MED15: variants seen among roughly 807,000 people sequenced by gnomAD.
The protein encoded by MED15 is mediator of RNA polymerase II transcription subunit 15.
MED15 carries 41 observed loss-of-function variants against 118.7 expected under a neutral mutation model. That is an observed-to-expected ratio of 0.35 (90% CI 0.27 to 0.45). The LOEUF (loss-of-function observed/expected upper bound fraction) is 0.45. Among genes scored for constraint, MED15 ranks in the 20% least tolerant of loss-of-function variants. The pLI, the probability that MED15 is intolerant of heterozygous loss-of-function variation, is 1.00. For missense variants in MED15, 740 were observed against 1,025.5 expected, an observed-to-expected ratio of 0.72 and a Z score of 3.80; for synonymous variants, 436 against 413.9, an observed-to-expected ratio of 1.05 and a Z score of -0.65.
chr22:20,524,701 A>G (rs1000020117), intron 1 of MED15, among the ~76,000 whole-genome samples: 1 of 152,192 alleles, frequency 6.6e-6, no homozygotes, highest in African/African-American at 2.4e-5. Context: ...GGCTGACTGC[A>G]ACCTCCGCCT....
chr22:20,551,098 A>G (rs1200393834), intron 2 of MED15: 2 of 536,084 alleles, frequency 3.7e-6, no homozygotes, highest in Admixed American at 2.2e-5. Flanking sequence ...CCAGCGCCTC[A>G]TCACCCCCAA....
intron 2 of MED15, among the ~76,000 whole-genome samples, chr22:20,548,858 G>C (rs1359321640): frequency 6.6e-6 from 1 of 152,176 alleles, no homozygotes; most frequent in Non-Finnish European, 1.5e-5. Context: ...CCAAGCTGGA[G>C]TGCAGTGGAG....
chr22:20,550,181 A>G (rs1241847180), intron 2 of MED15, among the ~76,000 whole-genome samples: 2 of 151,888 alleles, frequency 1.3e-5, no homozygotes, highest in Non-Finnish European at 2.9e-5. Context: ...CCATTCTCAT[A>G]CCACTGTCCT....
intron 1 of MED15, among the ~76,000 whole-genome samples, chr22:20,530,837 G>T (rs1312814406): frequency 1.3e-5 from 2 of 152,186 alleles, no homozygotes; most frequent in Admixed American, 1.3e-4. Flanking sequence ...CTGCCTGAGG[G>T]AGCTGCACAT....
Position 20,584,271 on chromosome 22 carries a change from G to A in MED15, c.1737-88G>A, listed in dbSNP as rs1237746928. 1.2e-5 allele frequency: 17 copies of A among 1,362,814 alleles called. No homozygotes were observed. In the South Asian group the frequency reaches 2.0e-4, roughly 16 times the overall value. The allele number at this position is 1,362,814 out of a possible 1,614,324, so 84.4% of individuals were successfully genotyped here. ...GGAGCTCCTGCAGAGGTTTCTGATG[G>A]CTGAGGCCCAGTGGCAGTAGTTGGG... On this transcript the variant is annotated intron_variant, in intron 13 of 17. Coordinates refer to ENST00000263205, the MANE Select transcript of MED15 (RefSeq NM_001003891.3).
At chr22:20,584,607 CCT>C (rs2057080221) in intron 14 of MED15, 182 bp downstream of exon 14, 2 of 841,480 alleles carry the variant, frequency 2.4e-6, no homozygotes, top group Non-Finnish European at 1.8e-6. Context: ...GAGAAGTCAC[CCT>C]CTGTCTACGG....
chr22:20,583,045 G>A (rs1027311147), intron 11 of MED15, 68 bp from the exon 12 acceptor site: 3 of 1,565,258 alleles, frequency 1.9e-6, no homozygotes, highest in South Asian at 2.3e-5. Flanking sequence ...CGAGCTCTGG[G>A]GCCCTCAGAG....
chr22:20,535,860 G>T (rs577709252), intron 1 of MED15, among the ~76,000 whole-genome samples: 3 of 134,258 alleles, frequency 2.2e-5, no homozygotes, highest in South Asian at 4.9e-4. Flanking sequence ...TGCTCAGCCT[G>T]CTTCTTTCTT....
chr22:20,566,931 A>C, intron 7 of MED15, 114 bp downstream of exon 7: 1 of 1,526,710 alleles, frequency 6.6e-7, no homozygotes, highest in Non-Finnish European at 8.8e-7. Context: ...CTGAGACTTC[A>C]GGCAGCCCCC....
In MED15 at chr22:20,576,378, G is replaced by T. The variant is rs142808681; in HGVS notation, c.1272+1146G>T. Among the ~76,000 whole-genome samples the T allele has an allele frequency of 3.2e-3, 483 of 152,384 alleles. 1 individual carries two copies. The highest frequency in any genetic ancestry group is 5.4e-3 in the Non-Finnish European group (369 of 68,034). On this transcript the variant is annotated intron_variant, in intron 9 of 17. Coordinates refer to ENST00000263205, the MANE Select transcript of MED15 (RefSeq NM_001003891.3). ...TGTGCAGTGGCGTCTCTGCAGCTCT[G>T]TTCTACACAGGAAGAAGTGGAGGCT...
intron 2 of MED15, among the ~76,000 whole-genome samples, chr22:20,546,092 T>G (rs1298671489): frequency 6.6e-6 from 1 of 152,170 alleles, no homozygotes; most frequent in African/African-American, 2.4e-5. Flanking sequence ...TCAACGCTTT[T>G]TTCCTAATAG....
chr22:20,579,968 A>T (rs1211867453), intron 9 of MED15, among the ~76,000 whole-genome samples: 3 of 152,124 alleles, frequency 2.0e-5, no homozygotes, highest in Non-Finnish European at 4.4e-5. Context: ...TTGTGTCTTC[A>T]GATGAGTCTT....
In MED15 at chr22:20,555,160, A is replaced by G. The variant is rs1359279609; in HGVS notation, c.451+12A>G. The G allele has an allele frequency of 6.3e-7, 1 of 1,575,824 alleles. No individual in the cohort carries two copies. Among genetic ancestry groups the G allele is most frequent in the Non-Finnish European group, 8.6e-7 (1 of 1,160,706 alleles). On this transcript the variant is annotated intron_variant, in intron 5 of 17. Transcript: ENST00000263205. ...GGCAACTCCACAGAGTGAGTACCAC[A>G]CTTCTTGGAGGATTTGCCGCTTTCC... is the stretch of plus-strand genomic sequence containing the variant.
At chr22:20,537,363 G>A in intron 2 of MED15, 159 bp downstream of exon 2, 1 of 592,542 alleles carries the variant, frequency 1.7e-6, no homozygotes, top group East Asian at 3.2e-5. Context: ...CAGCAGTCTG[G>A]GTCCTCCTGT....
chr22:20,542,850 G>C (rs760312844), intron 2 of MED15, among the ~76,000 whole-genome samples: 1 of 152,158 alleles, frequency 6.6e-6, no homozygotes, highest in African/African-American at 2.4e-5. Context: ...ATCTTTCCTA[G>C]ATAATTTCAT....
intron 1 of MED15, among the ~76,000 whole-genome samples, chr22:20,526,730 C>T (rs769684543): frequency 1.2e-4 from 19 of 152,176 alleles, no homozygotes; most frequent in East Asian, 3.8e-4. Flanking sequence ...CCATCCACCT[C>T]GGCCTCCCAA....
chr22:20,530,416 C>A (rs1234260084), intron 1 of MED15, among the ~76,000 whole-genome samples: 1 of 152,158 alleles, frequency 6.6e-6, no homozygotes, highest in Non-Finnish European at 1.5e-5. Flanking sequence ...AATCATCCTG[C>A]CCCCCTGAGG....
intron 1 of MED15, among the ~76,000 whole-genome samples, chr22:20,525,475 A>G (rs1278516122): frequency 6.6e-6 from 1 of 151,424 alleles, no homozygotes; most frequent in African/African-American, 2.4e-5. Context: ...TCGGTCTCCC[A>G]AAGTTTTGGG....
intron 1 of MED15, among the ~76,000 whole-genome samples, chr22:20,514,399 A>G (rs1053686776): frequency 8.5e-5 from 13 of 152,204 alleles, no homozygotes; most frequent in African/African-American, 2.9e-4. Context: ...TGAATGAACA[A>G]AAGGACCTTA....
Sources: allele counts gnomAD v4.1 joint callset (sites outside exome capture counted in the v4.1 genomes callset), GRCh38; gene constraint gnomAD v4.1.1; transcripts MANE v1.5; gene names NCBI Gene and HGNC (gene_info 2026-07-23, HGNC 2026-07-21).